Variants in HEMK1 observed in about 807,000 individuals in gnomAD.
The protein encoded by HEMK1 is MTRF1L release factor glutamine methyltransferase.
HEMK1 carries 36 observed loss-of-function variants against 47.9 expected under a neutral mutation model. The observed-to-expected ratio is 0.75, with a 90% CI of 0.58 to 0.99. The LOEUF (loss-of-function observed/expected upper bound fraction) is 0.99. Ranked by LOEUF, HEMK1 falls within the 50% of genes least tolerant of loss-of-function variation. HEMK1 has a pLI of 0.00. For missense variants in HEMK1, 383 were observed against 434.5 expected, an observed-to-expected ratio of 0.88 and a Z score of 1.05; for synonymous variants, 153 against 165.4, an observed-to-expected ratio of 0.93 and a Z score of 0.57.
chr3:50,573,684 C>G (rs748455563), intron 4 of HEMK1, among the ~76,000 whole-genome samples: 2 of 152,220 alleles, frequency 1.3e-5, no homozygotes, highest in Non-Finnish European at 2.9e-5. Context: ...AATGTAAAGC[C>G]ACATCGGGGG....
Position 50,584,096 on chromosome 3 carries a change from A to G in HEMK1, c.*3679A>G, listed in dbSNP as rs1241100413. On this transcript the variant is annotated 3_prime_UTR_variant, in exon 11 of 11. Transcript: ENST00000232854. Reference sequence around the variant, plus strand: ...CCCAGGCAGCCATTCAAGTTGAGCAATGGCCACTTCGAAGACTCAAGTGCA... The same window carrying G: ...CCCAGGCAGCCATTCAAGTTGAGCAGTGGCCACTTCGAAGACTCAAGTGCA... The G allele has an allele frequency of 6.6e-6, 1 of 152,196 alleles. No homozygotes were observed. Among genetic ancestry groups the G allele is most frequent in the African/African-American group, 2.4e-5 (1 of 41,440 alleles). The allele number at this position is 152,196 out of a possible 1,614,324, so 9.4% of individuals were successfully genotyped here. A position where few individuals can be genotyped will look rare whatever the true frequency, so the allele number is the denominator to read the frequency against.
At position 50,571,096 on chromosome 3, in the gene HEMK1, C is replaced by G. The variant is rs756530371; in HGVS notation, c.-9C>G. ...CCTGGAAGCACTCTGGAGAACCTTTCCCTGAGACATGGAGCTTTGGGGCCG... is the reference window on the plus strand; with the variant it reads ...CCTGGAAGCACTCTGGAGAACCTTTGCCTGAGACATGGAGCTTTGGGGCCG... On this transcript the variant is annotated 5_prime_UTR_variant, in exon 2 of 11. Transcript: ENST00000232854. 1.9e-6 allele frequency: 3 copies of G among 1,573,566 alleles called. No individual in the cohort carries two copies. The highest frequency in any genetic ancestry group is 2.7e-5 in the African/African-American group (2 of 73,514).
Position 50,590,034 on chromosome 3 carries a change from A to C in HEMK1, c.*9617A>C, listed in dbSNP as rs1187051706. ...AAACCCCGTCTACTAAAAATACAAA[A>C]ATTAGCTGGGTGTGGTGGTGGACAC... On this transcript the variant is annotated 3_prime_UTR_variant, in exon 11 of 11. Transcript: ENST00000232854. 6.6e-6 allele frequency: 1 copy of C among 150,438 alleles called. No individual in the cohort carries two copies. Among genetic ancestry groups the C allele is most frequent in the Non-Finnish European group, 1.5e-5 (1 of 67,710 alleles). The allele number at this position is 150,438 out of a possible 1,614,324, so 9.3% of individuals were successfully genotyped here.
intron 2 of HEMK1, 60 bp downstream of exon 2, chr3:50,571,392 A>G (rs1207302302): frequency 7.6e-7 from 1 of 1,311,012 alleles, no homozygotes; most frequent in Non-Finnish European, 1.1e-6. Context: ...TGGGGAAGGG[A>G]TATCCAGGTT....
At chr3:50,577,721 G>A (rs1442616855) in intron 6 of HEMK1, 105 bp from the exon 7 acceptor site, 2 of 1,375,254 alleles carry the variant, frequency 1.5e-6, no homozygotes, top group Non-Finnish European at 1.0e-6. Flanking sequence ...GTAGTGGGCA[G>A]TGAGTATCTT....
At chr3:50,575,383 A>G (rs572727754) in intron 4 of HEMK1, among the ~76,000 whole-genome samples, 1 of 152,042 alleles carries the variant, frequency 6.6e-6, no homozygotes, top group Admixed American at 6.6e-5. Flanking sequence ...AGATCGCGCC[A>G]TTGTACTCCA....
chr3:50,577,199 A>T lies in HEMK1; in HGVS notation c.549+13A>T. On this transcript the variant is annotated intron_variant, in intron 5 of 10. Transcript: ENST00000232854. Reference sequence around the variant, plus strand: ...CCAGCTCCCCCAGGTGAGCCCCTCCACCCACTCTGGATAGACTGTGACTGA... The same window carrying T: ...CCAGCTCCCCCAGGTGAGCCCCTCCTCCCACTCTGGATAGACTGTGACTGA... 1.2e-6 allele frequency: 2 copies of T among 1,606,244 alleles called. No homozygotes were observed. The highest frequency in any genetic ancestry group is 1.7e-6 in the Non-Finnish European group (2 of 1,177,562).
At chr3:50,571,526 G>A in intron 2 of HEMK1, 184 bp from the exon 3 acceptor site, 4 of 698,958 alleles carry the variant, frequency 5.7e-6, no homozygotes, top group South Asian at 3.4e-5. Flanking sequence ...AGTGTTCTGG[G>A]ATAGACACCT....
chr3:50,570,885 G>A (rs1359279769), intron 1 of HEMK1, 46 bp from the exon 2 acceptor site: 1 of 450,694 alleles, frequency 2.2e-6, no homozygotes, highest in Non-Finnish European at 3.9e-6. Context: ...AGAAGGGGGG[G>A]TGTCATACAA....
In HEMK1 at chr3:50,594,520, A is replaced by G. The variant is rs1048164513; in HGVS notation, c.*14103A>G. On this transcript the variant is annotated 3_prime_UTR_variant, in exon 11 of 11. Transcript: ENST00000232854. ...GGCACTATTCAGGCAGGCCCCCATC[A>G]CAGTCTGGTGGGGTCCAAGCAGTTC... 2 of 152,308 alleles carry G rather than the reference A, an allele frequency of 1.3e-5. No homozygotes were observed. Among genetic ancestry groups the G allele is most frequent in the African/African-American group, 4.8e-5 (2 of 41,474 alleles). 9.4% of individuals were successfully genotyped at this position (152,308 alleles called of 1,614,324 possible).
chr3:50,575,346 T>C (rs943124068), intron 4 of HEMK1, among the ~76,000 whole-genome samples: 2 of 151,950 alleles, frequency 1.3e-5, no homozygotes, highest in East Asian at 1.9e-4. Context: ...TCGCTTGAAC[T>C]TGGGAGGCGG....
intron 1 of HEMK1, 26 bp from the exon 2 acceptor site, chr3:50,570,905 G>A (rs1559451011): frequency 2.1e-6 from 1 of 483,350 alleles, no homozygotes; most frequent in South Asian, 3.5e-5. Context: ...AGGCTCACCT[G>A]CTTTCCTGGT....
rs375510780 is a variant in HEMK1 at position 50,572,212 on chromosome 3, G to A, written c.414+4G>A. The A allele has an allele frequency of 6.2e-7, 1 of 1,609,426 alleles. No homozygotes were observed. Among genetic ancestry groups the A allele is most frequent in the Non-Finnish European group, 8.5e-7 (1 of 1,177,812 alleles). ...TATTCCTCGGCCAGAAACAGAGGTA[G>A]GTGTGCCACCAGGGCAAGGCAGGAT... On this transcript the variant is annotated splice_donor_region_variant and intron_variant, in intron 4 of 10. Transcript: ENST00000232854.
rs116242930 is a variant in HEMK1, at chr3:50,594,470, G to A, written c.*14053G>A. The A allele has an allele frequency of 7.7e-3, 1,169 of 152,386 alleles. 18 individuals carry two copies. Among genetic ancestry groups the A allele is most frequent in the African/African-American group, 0.027 (1,126 of 41,584 alleles). 9.4% of individuals were successfully genotyped at this position (152,386 alleles called of 1,614,324 possible). On this transcript the variant is annotated 3_prime_UTR_variant, in exon 11 of 11. Coordinates refer to ENST00000232854, the MANE Select transcript of HEMK1 (RefSeq NM_016173.5). ...GGCATGCATTCAGTCACCATCTGCT[G>A]GCACTGTGCCAGGCACAAGGAATGG...
chr3:50,577,997 C>G (rs2029995004), intron 7 of HEMK1, 122 bp downstream of exon 7: 1 of 857,802 alleles, frequency 1.2e-6, no homozygotes, highest in African/African-American at 1.7e-5. Context: ...ACACACAACA[C>G]ACACACATAC....
chr3:50,577,533 C>T lies in HEMK1; in HGVS notation c.574C>T (p.Arg192Trp), dbSNP rs377148604. 243 of 1,613,946 alleles carry T rather than the reference C, an allele frequency of 1.5e-4. No individual in the cohort carries two copies. Among genetic ancestry groups the T allele is most frequent in the Non-Finnish European group, 1.9e-4 (227 of 1,180,010 alleles). ...GAGCCGAGTCATTGCTGTGGATAAG[C>T]GGGAAGCTGCTATCTCTCTGACCCA... ...PQSRVIAVDK[R>W]EAAISLTHEN... Residue 192 changes from arginine (R) to tryptophan (W), a missense_variant, in exon 6 of 11, where the codon CGG becomes TGG. Transcript: ENST00000232854.
chr3:50,575,338 G>A (rs756502068), intron 4 of HEMK1, among the ~76,000 whole-genome samples: 2 of 152,062 alleles, frequency 1.3e-5, no homozygotes, highest in Non-Finnish European at 2.9e-5. Context: ...CAGGCGAATC[G>A]CTTGAACTTG....
chr3:50,579,858 C>T lies in HEMK1; in HGVS notation c.785C>T (p.Ala262Val), dbSNP rs764641029. The change falls in exon 9 of 11, where the codon GCG becomes GTG. Residue 262 changes from alanine (A) to valine (V), a missense_variant. Transcript: ENST00000232854. Reference sequence around the variant, plus strand: ...TTGCCTTTCAGCTATGAAGACCCCGCGGCCCTGGATGGTGGGGAGGAGGGC... The same window carrying T: ...TTGCCTTTCAGCTATGAAGACCCCGTGGCCCTGGATGGTGGGGAGGAGGGC... Reference protein sequence around the residue: ...APEIRSYEDPAALDGGEEGMD... With the variant: ...APEIRSYEDPVALDGGEEGMD... The T allele has an allele frequency of 2.0e-5, 33 of 1,613,416 alleles. No individual in the cohort carries two copies. In the East Asian group the frequency reaches 4.0e-4, roughly 20 times the overall value.
rs1223528847 is a variant in HEMK1 at position 50,584,306 on chromosome 3, GACTGTCAAAGCA to G, written c.*3893_*3904del. The G allele has an allele frequency of 6.6e-6, 1 of 152,336 alleles. No individual in the cohort carries two copies. Among genetic ancestry groups the G allele is most frequent in the Non-Finnish European group, 1.5e-5 (1 of 68,142 alleles). 9.4% of individuals were successfully genotyped at this position (152,336 alleles called of 1,614,324 possible). A position where few individuals can be genotyped will look rare whatever the true frequency, so the allele number is the denominator to read the frequency against. ...GACAAGCCCCCTGAACTGGATTTGG[GACTGTCAAAGCA>G]ACTCTACCCCTGCTCTGGTAGGCTG... On this transcript the variant is annotated 3_prime_UTR_variant, in exon 11 of 11. Transcript: ENST00000232854.
Sources: gnomAD v4.1 joint callset for allele counts (sites outside exome capture counted in the v4.1 genomes callset) on GRCh38, gnomAD v4.1.1 for gene constraint, MANE v1.5 for transcripts, NCBI Gene and HGNC (gene_info 2026-07-23, HGNC 2026-07-21) for gene names.